The following FILIP1L variants were observed in gnomAD, a reference collection of about 807,000 sequenced individuals.
FILIP1L encodes the protein filamin A-interacting protein 1-like.
A neutral mutation model predicts 96.6 loss-of-function variants in FILIP1L; 55 were observed. The ratio of observed to expected loss-of-function variants is 0.57; its 90% CI spans 0.46 to 0.71. The LOEUF (loss-of-function observed/expected upper bound fraction) is 0.71, where lower values mean the gene tolerates loss of function less well. Among genes scored for constraint, FILIP1L ranks in the 30% least tolerant of loss-of-function variants. FILIP1L has a pLI of 0.00. For missense variants in FILIP1L, 1,304 were observed against 1,321.2 expected (o/e 0.99, Z 0.20); for synonymous variants, 467 against 473.9 (o/e 0.99, Z 0.19).
chr3:99,912,287 G>C (rs961799789), intron 4 of FILIP1L, among the ~76,000 whole-genome samples: 8 of 152,206 alleles, frequency 5.3e-5, no homozygotes, highest in African/African-American at 1.9e-4. Flanking sequence ...GAAATGCCCA[G>C]AATAGGCAAA....
At chr3:99,968,381 T>A (rs2107713330) in intron 1 of FILIP1L, among the ~76,000 whole-genome samples, 1 of 152,072 alleles carries the variant, frequency 6.6e-6, no homozygotes, top group South Asian at 2.1e-4. Context: ...TCTTGTTTAC[T>A]GTTGAATAGT....
intron 1 of FILIP1L, among the ~76,000 whole-genome samples, chr3:99,993,136 T>C (rs1467893292): frequency 1.3e-5 from 2 of 152,116 alleles, no homozygotes; most frequent in Admixed American, 6.5e-5. Context: ...TTTCTTTGGC[T>C]ATTTGAGCTT....
At chr3:99,901,045 G>A (rs1035670812) in intron 4 of FILIP1L, among the ~76,000 whole-genome samples, 3 of 152,192 alleles carry the variant, frequency 2.0e-5, no homozygotes, top group Non-Finnish European at 2.9e-5. Flanking sequence ...ATACTGGGTG[G>A]AAATACTGGA....
chr3:99,910,405 T>C (rs1015650014), intron 4 of FILIP1L, among the ~76,000 whole-genome samples: 3 of 136,382 alleles, frequency 2.2e-5, no homozygotes, highest in African/African-American at 7.5e-5. Context: ...AAAACAGGGT[T>C]CTGTGAGCTT....
intron 1 of FILIP1L, among the ~76,000 whole-genome samples, chr3:100,059,781 A>G (rs2065528730): frequency 6.6e-6 from 1 of 152,182 alleles, no homozygotes; most frequent in African/African-American, 2.4e-5. Flanking sequence ...GTCAAGAGAA[A>G]TCAGAAATCC....
chr3:99,850,664 C>T lies in FILIP1L; in HGVS notation c.1012G>A (p.Glu338Lys). Residue 338 changes from glutamate (E) to lysine (K), a missense_variant, in exon 5 of 6, where the codon GAA becomes AAA. Transcript: ENST00000477258. The stretch of plus-strand genomic sequence containing the variant: ...TTTCGTAAAGACCTGTTTGTCTCTT[C>T]TAACTCATCAATCTGCCGGCTGAGT... The part of the protein sequence containing the change: ...AALSRQIDEL[E>K]ETNRSLRKAE... 2 of 1,614,126 alleles carry T rather than the reference C, an allele frequency of 1.2e-6. No homozygotes were observed. The highest frequency in any genetic ancestry group is 1.7e-6 in the Non-Finnish European group (2 of 1,180,036).
In FILIP1L at chr3:99,848,345, T is replaced by TA; in HGVS notation, c.3330dup (p.Ile1111TyrfsTer32). 6.2e-7 allele frequency: 1 copy of TA among 1,614,206 alleles called. No individual in the cohort carries two copies. Among genetic ancestry groups the TA allele is most frequent in the Non-Finnish European group, 8.5e-7 (1 of 1,180,020 alleles). ...GGTGTGGCTGTTGGTGTGATAGTAA[T>TA]ACTGCTGGTGACTTTATTGGTTGTT... On this transcript the variant is annotated frameshift_variant, in exon 5 of 6. Coordinates refer to ENST00000477258, the MANE Select transcript of FILIP1L (RefSeq NM_001387850.1). LOFTEE classifies it high-confidence loss of function.
intron 1 of FILIP1L, among the ~76,000 whole-genome samples, chr3:99,933,347 G>T (rs1008761359): frequency 1.3e-5 from 2 of 152,152 alleles, no homozygotes; most frequent in African/African-American, 4.8e-5. Context: ...CCAGGGAAAG[G>T]CTCATTTATT....
chr3:100,025,612 G>A (rs573880470), intron 1 of FILIP1L: 3 of 152,130 alleles, frequency 2.0e-5, no homozygotes, highest in Non-Finnish European at 2.9e-5. Context: ...GAGCTTCCTG[G>A]TAGACAAAGT....
chr3:99,981,224 C>G (rs1445928798), intron 1 of FILIP1L, among the ~76,000 whole-genome samples: 1 of 152,162 alleles, frequency 6.6e-6, no homozygotes, highest in Non-Finnish European at 1.5e-5. Flanking sequence ...CAACTTTTAA[C>G]TGTGGTGCTT....
intron 4 of FILIP1L, among the ~76,000 whole-genome samples, chr3:99,921,952 C>T (rs1052156470): frequency 6.6e-6 from 1 of 152,186 alleles, no homozygotes; most frequent in Admixed American, 6.5e-5. Context: ...TGCCTCCCAA[C>T]ATTCCAGTAT....
Position 99,993,430 on chromosome 3 carries a change from A to C in FILIP1L, c.-10-62400T>G, listed in dbSNP as rs561400692. 3.3e-5 allele frequency among the ~76,000 whole-genome samples: 5 copies of C among 152,086 alleles called. No individual in the cohort carries two copies. The East Asian group carries it at 7.7e-4, about 24-fold the overall frequency. On this transcript the variant is annotated intron_variant, in intron 1 of 5. Coordinates refer to ENST00000477258, the MANE Select transcript of FILIP1L (RefSeq NM_001387850.1). Reference sequence around the variant, plus strand: ...AGATCATATCAGCAGCTAACAGGAAAAATTTGTCTTCCTCTTTTCCAATTT... The same window carrying C: ...AGATCATATCAGCAGCTAACAGGAACAATTTGTCTTCCTCTTTTCCAATTT...
chr3:99,949,567 C>A (rs1212050990), intron 1 of FILIP1L, among the ~76,000 whole-genome samples: 1 of 152,132 alleles, frequency 6.6e-6, no homozygotes, highest in African/African-American at 2.4e-5. Context: ...CTATAGCAAC[C>A]TTGGAATCTT....
chr3:99,861,210 C>T (rs1944236500), intron 4 of FILIP1L, among the ~76,000 whole-genome samples: 1 of 152,126 alleles, frequency 6.6e-6, no homozygotes, highest in South Asian at 2.1e-4. Context: ...AAAAAATTAC[C>T]TGTCTTCCAA....
At chr3:100,058,664 T>G (rs1361952650) in intron 1 of FILIP1L, among the ~76,000 whole-genome samples, 2 of 152,130 alleles carry the variant, frequency 1.3e-5, no homozygotes, top group Admixed American at 1.3e-4. Context: ...CAAACTGACT[T>G]CATTTTACAC....
chr3:100,070,040 A>G (rs1477707533), intron 1 of FILIP1L, among the ~76,000 whole-genome samples: 6 of 152,198 alleles, frequency 3.9e-5, no homozygotes, highest in Non-Finnish European at 5.9e-5. Flanking sequence ...ATGCGTTAAA[A>G]ATTAACAGTA....
intron 1 of FILIP1L, among the ~76,000 whole-genome samples, chr3:99,986,850 T>A (rs1357472559): frequency 1.3e-5 from 2 of 151,986 alleles, no homozygotes; most frequent in Non-Finnish European, 2.9e-5. Context: ...CAGCAAAGAG[T>A]TATTCAGACC....
intron 1 of FILIP1L, among the ~76,000 whole-genome samples, chr3:100,081,483 C>A (rs2065931033): frequency 6.6e-6 from 1 of 152,180 alleles, no homozygotes; most frequent in South Asian, 2.1e-4. Flanking sequence ...CAACCCTTAT[C>A]TTCCATGTAT....
chr3:100,010,916 C>G (rs926862963), intron 1 of FILIP1L, among the ~76,000 whole-genome samples: 1 of 151,570 alleles, frequency 6.6e-6, no homozygotes, highest in South Asian at 2.1e-4. Flanking sequence ...TGTGAGCCAC[C>G]GCGCCCAGCT....
Sources: gnomAD v4.1 joint callset for allele counts (sites outside exome capture counted in the v4.1 genomes callset) on GRCh38, gnomAD v4.1.1 for gene constraint, MANE v1.5 for transcripts, NCBI Gene and HGNC (gene_info 2026-07-23, HGNC 2026-07-21) for gene names.